The following HNRNPA1 variants were observed in gnomAD, a reference collection of about 807,000 sequenced individuals.
HNRNPA1 encodes the protein epididymis secretory sperm binding protein.
A neutral mutation model predicts 44.4 loss-of-function variants in HNRNPA1; 7 were observed. That is an observed-to-expected ratio of 0.16 (90% CI 0.09 to 0.30). The LOEUF is 0.30. Ranked by LOEUF, HNRNPA1 falls within the 10% of genes least tolerant of loss-of-function variation. HNRNPA1 has a pLI of 1.00. For missense variants in HNRNPA1, 193 were observed against 465.8 expected (o/e 0.41, Z 5.39); for synonymous variants, 169 against 160.6 (o/e 1.05, Z -0.40).
chr12:54,283,016 C>A (rs1297733269), intron 7 of HNRNPA1, 63 bp from the exon 8 acceptor site: 9 of 1,576,762 alleles, frequency 5.7e-6, no homozygotes, highest in African/African-American at 4.0e-5. Context: ...TCAGCCGTTA[C>A]ACTTGCACAA....
Position 54,283,341 on chromosome 12 carries a change from A to G in HNRNPA1, c.907+107A>G, listed in dbSNP as rs1283234575. ...TGTGTGGTACACTGCATGGTATATT[A>G]AAAACAAATGGGCTTGCTATGCTAC... On this transcript the variant is annotated intron_variant, in intron 8 of 10. Coordinates refer to ENST00000340913, the MANE Select transcript of HNRNPA1 (RefSeq NM_031157.4). 3.1e-6 allele frequency: 4 copies of G among 1,279,870 alleles called. No individual in the cohort carries two copies. In the Admixed American group the frequency reaches 8.8e-5, roughly 28 times the overall value. The allele number at this position is 1,279,870 out of a possible 1,614,324, so 79.3% of individuals were successfully genotyped here.
rs1208513882 is a variant in HNRNPA1, at chr12:54,286,463, CATT to C, written c.*1923_*1925del. ...GGCTCCCAGTTGAAGGAAGTGAGCA[CATT>C]ATTTGTACTGTGAATATAAATTTTT... On this transcript the variant is annotated 3_prime_UTR_variant, in exon 11 of 11. Coordinates refer to ENST00000340913, the MANE Select transcript of HNRNPA1 (RefSeq NM_031157.4). The C allele has an allele frequency of 3.9e-5, 6 of 152,136 alleles. No individual in the cohort carries two copies. The highest frequency in any genetic ancestry group is 5.9e-5 in the Non-Finnish European group (4 of 68,028). 9.4% of individuals were successfully genotyped at this position (152,136 alleles called of 1,614,324 possible).
chr12:54,282,775 T>G, intron 6 of HNRNPA1, 25 bp from the exon 7 acceptor site: 13 of 1,564,824 alleles, frequency 8.3e-6, no homozygotes, highest in Non-Finnish European at 1.0e-5. Context: ...AAGTCATACT[T>G]AAAACTTGAA....
rs1468796132 is a variant in HNRNPA1, at chr12:54,282,531, C to T, written c.584-42C>T. On this transcript the variant is annotated intron_variant, in intron 5 of 10. Coordinates refer to ENST00000340913, the MANE Select transcript of HNRNPA1 (RefSeq NM_031157.4). ...AAACCTTAAAGGTAACTTTGAGTTA[C>T]TCCAGTATGAATGATTTAATGCTTA... 1.1e-5 allele frequency: 17 copies of T among 1,608,976 alleles called. No individual in the cohort carries two copies. In the East Asian group the frequency reaches 3.8e-4, roughly 36 times the overall value.
At chr12:54,283,318 T>C in intron 8 of HNRNPA1, 84 bp downstream of exon 8, 4 of 1,431,694 alleles carry the variant, frequency 2.8e-6, no homozygotes, top group Non-Finnish European at 3.9e-6. Context: ...TGAAGCATTG[T>C]GTGGTACACT....
rs542988783 is a variant in HNRNPA1, at chr12:54,282,842, G to A, written c.719G>A (p.Ser240Asn). ...CGTGGTGGTGGTGGATATGGTGGCA[G>A]TGGGGATGGCTATAATGGATTTGGT... ...GSRGGGGYGG[S>N]GDGYNGFGND... is the part of the protein sequence containing the mutation. Residue 240 changes from serine to asparagine, a missense_variant, in exon 7 of 11, where the codon AGT (serine) becomes AAT (asparagine). Coordinates refer to ENST00000340913, the MANE Select transcript of HNRNPA1 (RefSeq NM_031157.4). 6.4e-7 allele frequency: 1 copy of A among 1,551,606 alleles called. No individual in the cohort carries two copies. The highest frequency in any genetic ancestry group is 8.7e-7 in the Non-Finnish European group (1 of 1,146,974).
chr12:54,285,406 A>G lies in HNRNPA1; in HGVS notation c.*862A>G, dbSNP rs1018025386. On this transcript the variant is annotated 3_prime_UTR_variant, in exon 11 of 11. Coordinates refer to ENST00000340913, the MANE Select transcript of HNRNPA1 (RefSeq NM_031157.4). Reference sequence around the variant, plus strand: ...GGCTAATGCCGCTCCATAAATCCGCAGATTTGAAGTGTCTGGGAGGCCTTT... The same window carrying G: ...GGCTAATGCCGCTCCATAAATCCGCGGATTTGAAGTGTCTGGGAGGCCTTT... 1.3e-5 allele frequency: 2 copies of G among 152,250 alleles called. No individual in the cohort carries two copies. The highest frequency in any genetic ancestry group is 4.8e-5 in the African/African-American group (2 of 41,464). 9.4% of individuals were successfully genotyped at this position (152,250 alleles called of 1,614,324 possible).
intron 10 of HNRNPA1, 76 bp from the exon 11 acceptor site, chr12:54,284,473 A>G: frequency 1.3e-6 from 1 of 772,850 alleles, no homozygotes; most frequent in South Asian, 1.5e-5. Context: ...TTTGTGGGAA[A>G]CAAACTTGAT....
chr12:54,282,034 T>C (rs1944181696), intron 3 of HNRNPA1, 56 bp from the exon 4 acceptor site: 1 of 1,597,344 alleles, frequency 6.3e-7, no homozygotes, highest in African/African-American at 1.4e-5. Context: ...CTTACCAAAA[T>C]TTTTTATTCG....
chr12:54,282,595 T>G lies in HNRNPA1; in HGVS notation c.606T>G (p.Phe202Leu), dbSNP rs768362071. ...SQRGRSGSGN[F>L]GGGRGGGFGG... ...AAGGTCGAAGTGGTTCTGGAAACTT[T>G]GGTGGTGGTCGTGGAGGTGGTTTCG... Residue 202 changes from phenylalanine (F) to leucine (L), a missense_variant, in exon 6 of 11, where the codon TTT becomes TTG. Phe to Leu is a conservative substitution (Grantham distance 22). Transcript: ENST00000340913. The G allele has an allele frequency of 1.9e-6, 3 of 1,613,918 alleles. No homozygotes were observed. The highest frequency in any genetic ancestry group is 1.1e-5 in the South Asian group (1 of 91,072).
At position 54,285,677 on chromosome 12, in the gene HNRNPA1, T is replaced by C. The variant is rs2137047369; in HGVS notation, c.*1133T>C. The C allele has an allele frequency of 6.6e-6, 1 of 152,344 alleles. No homozygotes were observed. The highest frequency in any genetic ancestry group is 2.1e-4 in the South Asian group (1 of 4,830). The allele number at this position is 152,344 out of a possible 1,614,324, so 9.4% of individuals were successfully genotyped here. On this transcript the variant is annotated 3_prime_UTR_variant, in exon 11 of 11. Coordinates refer to ENST00000340913, the MANE Select transcript of HNRNPA1 (RefSeq NM_031157.4). ...CACAACCTACCTAAAATGTTAATTG[T>C]ATAGAAAATGATTTCTAAACCTTTA...
At chr12:54,282,915 C>T (rs1175944133) in intron 7 of HNRNPA1, 41 bp downstream of exon 7, 47 of 1,525,620 alleles carry the variant, frequency 3.1e-5, no homozygotes, top group Non-Finnish European at 3.9e-5. Flanking sequence ...TTCCTGGCAA[C>T]CTGGATCTTT....
chr12:54,284,487 G>T, intron 10 of HNRNPA1, 62 bp from the exon 11 acceptor site: 1 of 737,880 alleles, frequency 1.4e-6, no homozygotes, highest in East Asian at 2.7e-5. Context: ...ACTTGATATT[G>T]GATTGTAGCC....
rs1219604320 is a variant in HNRNPA1 at position 54,284,691 on chromosome 12, G to A, written c.*147G>A. The A allele has an allele frequency of 2.0e-6, 1 of 489,632 alleles. No individual in the cohort carries two copies. The highest frequency in any genetic ancestry group is 2.0e-5 in the African/African-American group (1 of 51,174). The allele number at this position is 489,632 out of a possible 1,614,324, so 30.3% of individuals were successfully genotyped here. On this transcript the variant is annotated 3_prime_UTR_variant, in exon 11 of 11. Transcript: ENST00000340913. ...ACATGTTTTAGACAAATACTCATGT[G>A]TATGGGCAAAAAACTCGAGGACTGT...
At chr12:54,283,625 T>C in intron 8 of HNRNPA1, 187 bp from the exon 9 acceptor site, 2 of 644,280 alleles carry the variant, frequency 3.1e-6, no homozygotes, top group Non-Finnish European at 2.7e-6. Flanking sequence ...AGGCCAGTTT[T>C]CTTTGTATTA....
chr12:54,284,448 T>C, intron 10 of HNRNPA1, 101 bp from the exon 11 acceptor site: 5 of 905,076 alleles, frequency 5.5e-6, no homozygotes, highest in South Asian at 1.4e-5. Context: ...AAAGTTAATA[T>C]TCAGATCAGC....
rs1944206105 is a variant in HNRNPA1, at chr12:54,283,182, C to CA, written c.856dup (p.Ser286LysfsTer3). 1 of 1,607,534 alleles carries CA rather than the reference C, an allele frequency of 6.2e-7. No homozygotes were observed. The highest frequency in any genetic ancestry group is 1.7e-5 in the Admixed American group (1 of 58,618). On this transcript the variant is annotated frameshift_variant, in exon 8 of 11. Transcript: ENST00000340913. LOFTEE classifies it high-confidence loss of function. ...AGGGCAGTGGCTATGGCGGGAGTGG[C>CA]AGCTATGACAGCTATAACAACGGAG...
In HNRNPA1 at chr12:54,283,203, C is replaced by T. The variant is rs547478895; in HGVS notation, c.876C>T (p.Asn292=). ...GGSGSYDSYN[N]GGGGGFGGGS... ...GTGGCAGCTATGACAGCTATAACAACGGAGGCGGAGGCGGCTTTGGCGGTG... is the reference window on the plus strand; with the variant it reads ...GTGGCAGCTATGACAGCTATAACAATGGAGGCGGAGGCGGCTTTGGCGGTG... Residue 292 remains asparagine, a synonymous_variant, in exon 8 of 11, where the codon AAC becomes AAT. Coordinates refer to ENST00000340913, the MANE Select transcript of HNRNPA1 (RefSeq NM_031157.4). 109 of 1,607,752 alleles carry T rather than the reference C, an allele frequency of 6.8e-5. 1 individual carries two copies. The highest frequency in any genetic ancestry group is 1.2e-4 in the Admixed American group (7 of 59,038).
chr12:54,284,294 G>A lies in HNRNPA1; in HGVS notation c.1100G>A (p.Gly367Asp), dbSNP rs1944231682. The A allele has an allele frequency of 6.2e-7, 1 of 1,614,002 alleles. No individual in the cohort carries two copies. Among genetic ancestry groups the A allele is most frequent in the Non-Finnish European group, 8.5e-7 (1 of 1,179,992 alleles). The change falls in exon 10 of 11, where the codon GGC becomes GAC. Residue 367 changes from glycine to aspartate, a missense_variant. Gly to Asp is a moderately conservative substitution (Grantham distance 94, BLOSUM62 -1). Around this residue, in one of 2 missense-constraint regions of HNRNPA1, gnomAD observed 136 missense variants for 234.4 expected, o/e 0.58. Transcript: ENST00000340913. ...YGGSSSSSSY[G>D]SGRRF The stretch of plus-strand genomic sequence containing the variant: ...GGTTCCAGCAGCAGCAGTAGCTATG[G>A]CAGTGGCAGAAGATTTTAATTAGGT...
Sources: allele counts gnomAD v4.1 joint callset, GRCh38; gene constraint gnomAD v4.1.1; regional missense constraint gnomAD v4.1.1; transcripts MANE v1.5; gene names NCBI Gene and HGNC (gene_info 2026-07-23, HGNC 2026-07-21).